The following CNTNAP2 variants were observed in gnomAD, a reference collection of about 807,000 sequenced individuals.
The protein encoded by CNTNAP2 is contactin-associated protein-like 2.
CNTNAP2 carries 98 observed loss-of-function variants against 155.2 expected under a neutral mutation model. The observed-to-expected ratio is 0.63, with a 90% CI of 0.54 to 0.75. CNTNAP2 has a LOEUF of 0.75. CNTNAP2 is among the 30% of genes least tolerant of loss of function. The pLI is 0.00. For missense variants in CNTNAP2, 1,727 were observed against 1,688.1 expected (o/e 1.02, Z -0.40); for synonymous variants, 651 against 631.2 (o/e 1.03, Z -0.47).
chr7:147,459,246 C>A (rs770500818), intron 10 of CNTNAP2, among the ~76,000 whole-genome samples: 1 of 152,192 alleles, frequency 6.6e-6, no homozygotes, highest in Non-Finnish European at 1.5e-5. Flanking sequence ...GCCCAGCCAT[C>A]GGGTAGGTCA....
At chr7:147,505,498 A>G (rs1798891001) in intron 11 of CNTNAP2, among the ~76,000 whole-genome samples, 1 of 152,226 alleles carries the variant, frequency 6.6e-6, no homozygotes, top group Non-Finnish European at 1.5e-5. Flanking sequence ...CTTAAAATAG[A>G]GCCAATTATT....
At chr7:147,555,754 G>A (rs1292087246) in intron 11 of CNTNAP2, among the ~76,000 whole-genome samples, 1 of 152,168 alleles carries the variant, frequency 6.6e-6, no homozygotes, top group African/African-American at 2.4e-5. Flanking sequence ...GTCACAACAG[G>A]AAGGATGTAT....
chr7:146,514,020 T>C (rs1004337371), intron 1 of CNTNAP2, among the ~76,000 whole-genome samples: 55 of 151,970 alleles, frequency 3.6e-4, no homozygotes, highest in African/African-American at 1.3e-3. Flanking sequence ...TTAACTTCAG[T>C]ACTTTTTATA....
chr7:148,163,717 G>A (rs576686835), intron 17 of CNTNAP2, among the ~76,000 whole-genome samples: 1 of 152,344 alleles, frequency 6.6e-6, no homozygotes, highest in East Asian at 1.9e-4. Flanking sequence ...CTCAGTATGT[G>A]AAAGCTTTTT....
chr7:147,137,324 A>C (rs1801504438), intron 8 of CNTNAP2, among the ~76,000 whole-genome samples: 1 of 151,266 alleles, frequency 6.6e-6, no homozygotes, highest in Non-Finnish European at 1.5e-5. Context: ...CATTATTATA[A>C]ATATAGGAAT....
intron 8 of CNTNAP2, among the ~76,000 whole-genome samples, chr7:147,202,857 A>ATATAT (rs200767699): frequency 6.7e-6 from 1 of 150,090 alleles, no homozygotes; most frequent in Non-Finnish European, 1.5e-5. Context: ...TAATTAAAAA[A>ATATAT]AAATATATAT....
intron 4 of CNTNAP2, among the ~76,000 whole-genome samples, chr7:147,099,211 A>G (rs1256617015): frequency 1.3e-5 from 2 of 152,116 alleles, no homozygotes; most frequent in Non-Finnish European, 2.9e-5. Context: ...AATAGGGAAG[A>G]CGGATCATGG....
intron 3 of CNTNAP2, among the ~76,000 whole-genome samples, chr7:146,947,557 GTATATATATATATATATACATATATA>G (rs1280775160): frequency 5.9e-5 from 3 of 50,714 alleles, no homozygotes; most frequent in Non-Finnish European, 1.4e-4. Context: ...GTGTGTGTGT[GTATATATATATATATATACATATATA>G]TATATATATA....
At chr7:148,137,066 A>G (rs949491224) in intron 16 of CNTNAP2, among the ~76,000 whole-genome samples, 6 of 152,104 alleles carry the variant, frequency 3.9e-5, no homozygotes, top group Non-Finnish European at 5.9e-5. Context: ...GATTTCTGTC[A>G]TTTTTCATAC....
intron 20 of CNTNAP2, among the ~76,000 whole-genome samples, chr7:148,262,897 C>T (rs2116833955): frequency 6.6e-6 from 1 of 152,278 alleles, no homozygotes; most frequent in South Asian, 2.1e-4. Flanking sequence ...TTATGTTCGG[C>T]AGGGGGACAG....
intron 17 of CNTNAP2, among the ~76,000 whole-genome samples, chr7:148,150,825 C>G (rs533636046): frequency 6.6e-6 from 1 of 151,992 alleles, no homozygotes; most frequent in East Asian, 1.9e-4. Flanking sequence ...CTTACTGCAG[C>G]CTCAACCTCC....
At chr7:147,415,939 C>A (rs1462793084) in intron 10 of CNTNAP2, among the ~76,000 whole-genome samples, 2 of 152,154 alleles carry the variant, frequency 1.3e-5, no homozygotes, top group African/African-American at 4.8e-5. Context: ...TTCAATAGAG[C>A]TTTAAAGGTA....
intron 1 of CNTNAP2, among the ~76,000 whole-genome samples, chr7:146,117,592 C>G (rs755662970): frequency 1.3e-5 from 2 of 152,166 alleles, no homozygotes; most frequent in Non-Finnish European, 2.9e-5. Flanking sequence ...ACTTGGGACA[C>G]TCAGTGCAAA....
chr7:146,965,545 A>T (rs1261349320), intron 3 of CNTNAP2, among the ~76,000 whole-genome samples: 1 of 151,988 alleles, frequency 6.6e-6, no homozygotes, highest in African/African-American at 2.4e-5. Context: ...ATTTTGTTGT[A>T]CTAAATAGGA....
At chr7:147,733,933 T>G (rs538811660) in intron 13 of CNTNAP2, among the ~76,000 whole-genome samples, 28 of 152,338 alleles carry the variant, frequency 1.8e-4, no homozygotes, top group South Asian at 4.1e-4. Context: ...GATGGGGTTT[T>G]CTAGATATAC....
At position 147,132,354 on chromosome 7, in the gene CNTNAP2, G is replaced by C. The variant is rs1260959229; in HGVS notation, c.1193G>C (p.Ser398Thr). Reference protein sequence around the residue: ...GRLNQDLFSVSFQFRTWNPNG... With the variant: ...GRLNQDLFSVTFQFRTWNPNG... ...CTTAACCAGGACCTGTTCTCAGTCA[G>C]TTTCCAGTTTAGGACATGGAACCCC... Residue 398 changes from serine (S) to threonine (T), a missense_variant, in exon 8 of 24, where the codon AGT (serine) becomes ACT (threonine). Coordinates refer to ENST00000361727, the MANE Select transcript of CNTNAP2 (RefSeq NM_014141.6). 6.2e-7 allele frequency: 1 copy of C among 1,613,698 alleles called. No homozygotes were observed. Among genetic ancestry groups the C allele is most frequent in the East Asian group, 2.2e-5 (1 of 44,864 alleles).
At chr7:148,338,199 G>A (rs1003680884) in intron 21 of CNTNAP2, among the ~76,000 whole-genome samples, 1 of 152,202 alleles carries the variant, frequency 6.6e-6, no homozygotes, top group Non-Finnish European at 1.5e-5. Flanking sequence ...ATATGCTGAT[G>A]TGAGCATTTA....
chr7:148,086,553 T>A (rs1468426741), intron 15 of CNTNAP2, among the ~76,000 whole-genome samples: 1 of 152,228 alleles, frequency 6.6e-6, no homozygotes, highest in Admixed American at 6.5e-5. Context: ...GTAATCAGTA[T>A]TTTTAGATTA....
intron 10 of CNTNAP2, among the ~76,000 whole-genome samples, chr7:147,422,890 G>A (rs1797318575): frequency 6.6e-6 from 1 of 152,052 alleles, no homozygotes; most frequent in South Asian, 2.1e-4. Flanking sequence ...TTTTCCAATT[G>A]CAAATATCTA....
Sources: allele counts gnomAD v4.1 joint callset (sites outside exome capture counted in the v4.1 genomes callset), GRCh38; gene constraint gnomAD v4.1.1; transcripts MANE v1.5; gene names NCBI Gene and HGNC (gene_info 2026-07-23, HGNC 2026-07-21).